The following DGKB variants were observed in gnomAD, a reference collection of about 807,000 sequenced individuals.
The protein encoded by DGKB is diacylglycerol kinase beta.
DGKB carries 67 observed loss-of-function variants against 114.3 expected under a neutral mutation model. That is an observed-to-expected ratio of 0.59 (90% CI 0.48 to 0.72). The LOEUF (loss-of-function observed/expected upper bound fraction) is 0.72, where lower values mean the gene tolerates loss of function less well. Among genes scored for constraint, DGKB ranks in the 30% least tolerant of loss-of-function variants. DGKB has a pLI of 0.00. For synonymous variants in DGKB, 398 were observed against 323.1 expected, an observed-to-expected ratio of 1.23 and a Z score of -2.49; for missense variants, 907 against 975.2, an observed-to-expected ratio of 0.93 and a Z score of 0.93.
intron 9 of DGKB, among the ~76,000 whole-genome samples, chr7:14,685,985 G>T (rs547594374): frequency 6.6e-6 from 1 of 152,014 alleles, no homozygotes; most frequent in East Asian, 1.9e-4. Context: ...ATTTTAAAAG[G>T]CAAACTTTTT....
chr7:14,297,605 ATG>A (rs1802804808), intron 23 of DGKB, among the ~76,000 whole-genome samples: 1 of 152,170 alleles, frequency 6.6e-6, no homozygotes, highest in Admixed American at 6.5e-5. Flanking sequence ...ATCATACTGA[ATG>A]GGCAAAATCT....
chr7:14,260,696 TTTAG>T (rs1216077742), intron 23 of DGKB, among the ~76,000 whole-genome samples: 1 of 152,158 alleles, frequency 6.6e-6, no homozygotes, highest in Non-Finnish European at 1.5e-5. Context: ...ACAAGGCACT[TTTAG>T]TTAATTTTAG....
chr7:14,314,653 T>A (rs1040153066), intron 23 of DGKB, among the ~76,000 whole-genome samples: 1 of 152,150 alleles, frequency 6.6e-6, no homozygotes, highest in Non-Finnish European at 1.5e-5. Flanking sequence ...AATCTACGTC[T>A]GACTGGTGTA....
At chr7:14,571,659 G>A (rs1235047935) in intron 20 of DGKB, among the ~76,000 whole-genome samples, 1 of 152,210 alleles carries the variant, frequency 6.6e-6, no homozygotes, top group African/African-American at 2.4e-5. Context: ...TAAATGAGAG[G>A]TTTTGTACAT....
chr7:14,672,455 T>C (rs905633428), intron 13 of DGKB, among the ~76,000 whole-genome samples: 79 of 150,968 alleles, frequency 5.2e-4, no homozygotes, highest in African/African-American at 1.9e-3. Context: ...TTCAATAAAA[T>C]TTTTTTTTTA....
rs1006765311 is a variant in DGKB, at chr7:14,360,311, C to T, written c.1836-14920G>A. ...AGGAATATCACACACTGGGGCCTGT[C>T]GTGGGGTTGGGGGCTGGGGGAGAGA... On this transcript the variant is annotated intron_variant, in intron 21 of 25. Transcript: ENST00000402815. Among the ~76,000 whole-genome samples, 6 of 151,530 alleles carry T rather than the reference C, an allele frequency of 4.0e-5. 1 individual carries two copies. The East Asian group carries it at 5.8e-4, about 15-fold the overall frequency.
intron 21 of DGKB, among the ~76,000 whole-genome samples, chr7:14,384,851 A>G (rs1820064639): frequency 6.6e-6 from 1 of 152,168 alleles, no homozygotes; most frequent in Admixed American, 6.5e-5. Flanking sequence ...CAAACGTCCT[A>G]CAATGCACAG....
chr7:14,476,579 T>C (rs1489414463), intron 21 of DGKB, among the ~76,000 whole-genome samples: 2 of 152,056 alleles, frequency 1.3e-5, no homozygotes, highest in Admixed American at 6.5e-5. Flanking sequence ...TGAAAATATA[T>C]GTACACATAT....
At chr7:14,666,792 A>C (rs1818107120) in intron 13 of DGKB, among the ~76,000 whole-genome samples, 1 of 151,978 alleles carries the variant, frequency 6.6e-6, no homozygotes, top group Non-Finnish European at 1.5e-5. Flanking sequence ...AAAAAAAAGC[A>C]TTCTAAGTAC....
At chr7:14,190,199 C>T (rs571315339) in intron 23 of DGKB, among the ~76,000 whole-genome samples, 8 of 152,080 alleles carry the variant, frequency 5.3e-5, no homozygotes, top group Non-Finnish European at 1.0e-4. Context: ...GCTATCTTTT[C>T]GGGCCATTAT....
At chr7:14,869,167 A>G (rs217556) in intron 1 of DGKB, among the ~76,000 whole-genome samples, 16,244 of 152,280 alleles carry the variant, frequency 0.11, 1,235 homozygotes, top group Middle Eastern at 0.17. Context: ...GCCAAAGGGA[A>G]TATTACATTA....
At chr7:14,224,940 G>C (rs10251496) in intron 23 of DGKB, among the ~76,000 whole-genome samples, 7,201 of 152,088 alleles carry the variant, frequency 0.047, 526 homozygotes, top group African/African-American at 0.15. Flanking sequence ...ATTATTTGAA[G>C]AGATAGTTCC....
At chr7:14,177,196 A>G (rs1046306097) in intron 24 of DGKB, among the ~76,000 whole-genome samples, 1 of 152,170 alleles carries the variant, frequency 6.6e-6, no homozygotes, top group Non-Finnish European at 1.5e-5. Context: ...TTCTACAGCC[A>G]AAAGAGATTC....
At chr7:14,848,200 T>C (rs1463731454) in intron 1 of DGKB, among the ~76,000 whole-genome samples, 1 of 152,072 alleles carries the variant, frequency 6.6e-6, no homozygotes, top group African/African-American at 2.4e-5. Flanking sequence ...GGAATGGCAA[T>C]AAAGATCAAG....
At chr7:14,369,031 C>T (rs1393611114) in intron 21 of DGKB, among the ~76,000 whole-genome samples, 1 of 152,124 alleles carries the variant, frequency 6.6e-6, no homozygotes, top group Admixed American at 6.6e-5. Flanking sequence ...ATCAACCCCC[C>T]ATCTACATTT....
At chr7:14,434,508 C>T (rs945113012) in intron 21 of DGKB, among the ~76,000 whole-genome samples, 2 of 152,036 alleles carry the variant, frequency 1.3e-5, no homozygotes. Flanking sequence ...GCTGGCTTTG[C>T]AGATAGAAGA....
intron 20 of DGKB, among the ~76,000 whole-genome samples, chr7:14,540,589 G>C (rs1793265480): frequency 6.6e-6 from 1 of 152,150 alleles, no homozygotes; most frequent in Non-Finnish European, 1.5e-5. Flanking sequence ...TCGTTTATCT[G>C]AGAATATACA....
chr7:14,400,238 G>C (rs904488437), intron 21 of DGKB, among the ~76,000 whole-genome samples: 1 of 151,770 alleles, frequency 6.6e-6, no homozygotes, highest in Non-Finnish European at 1.5e-5. Context: ...TAAATAGTCA[G>C]AATAACCCAC....
At chr7:14,505,386 A>C (rs1376688739) in intron 20 of DGKB, among the ~76,000 whole-genome samples, 1 of 151,946 alleles carries the variant, frequency 6.6e-6, no homozygotes, top group African/African-American at 2.4e-5. Flanking sequence ...CCCAGGAGGC[A>C]GAGGTTGCAG....
Sources: allele counts gnomAD v4.1 joint callset (sites outside exome capture counted in the v4.1 genomes callset), GRCh38; gene constraint gnomAD v4.1.1; transcripts MANE v1.5; gene names NCBI Gene and HGNC (gene_info 2026-07-23, HGNC 2026-07-21).